The following OPHN1 variants were observed in gnomAD, a reference collection of about 807,000 sequenced individuals.
OPHN1 encodes oligophrenin 1.
A neutral mutation model predicts 60.7 loss-of-function variants in OPHN1; 11 were observed. The observed-to-expected ratio is 0.18, with a 90% confidence interval of 0.11 to 0.30. The LOEUF (loss-of-function observed/expected upper bound fraction) is 0.30. OPHN1 is among the 10% of genes least tolerant of loss of function. OPHN1 has a pLI of 1.00. For missense variants in OPHN1, 449 were observed against 611.0 expected (o/e 0.73, Z 2.80); for synonymous variants, 226 against 222.6 (o/e 1.02, Z -0.14).
intron 19 of OPHN1, among the ~76,000 whole-genome samples, chrX:68,075,216 C>G (rs754009754): frequency 8.9e-6 from 1 of 112,102 alleles, no homozygotes; most frequent in East Asian, 2.8e-4. Context: ...AAGTGGAACC[C>G]AGTAGTATCC....
intron 15 of OPHN1, among the ~76,000 whole-genome samples, chrX:68,189,661 C>T (rs930665379): frequency 4.5e-5 from 5 of 111,343 alleles, no homozygotes; most frequent in Non-Finnish European, 7.5e-5. Context: ...TTCTAATCCT[C>T]ACATAAAACC....
At chrX:68,138,996 A>C (rs2147473095) in intron 15 of OPHN1, among the ~76,000 whole-genome samples, 1 of 112,640 alleles carries the variant, frequency 8.9e-6, no homozygotes, top group South Asian at 3.7e-4. Flanking sequence ...CCAAAAAATT[A>C]AACCTACAAC....
chrX:68,096,951 A>G lies in OPHN1; in HGVS notation c.1605T>C (p.Ala535=), dbSNP rs202060504. ...GVIFGPTLMR[A]QEDTVAAMMN... ...TCATGGCGGCCACAGTGTCCTCCTGAGCTCTCATCAGGGTGGGCCCAAAGA... is the reference window on the plus strand; with the variant it reads ...TCATGGCGGCCACAGTGTCCTCCTGGGCTCTCATCAGGGTGGGCCCAAAGA... The change falls in exon 19 of 25, where the codon GCT becomes GCC. Residue 535 remains alanine, a synonymous_variant. Coordinates refer to ENST00000355520, the MANE Select transcript of OPHN1 (RefSeq NM_002547.3). 1 of 1,210,138 alleles carries G rather than the reference A, an allele frequency of 8.3e-7. No homozygotes were observed. Among genetic ancestry groups the G allele is most frequent in the African/African-American group, 1.7e-5 (1 of 57,666 alleles).
chrX:68,240,959 T>A (rs1188038827), intron 5 of OPHN1, among the ~76,000 whole-genome samples: 2 of 112,400 alleles, frequency 1.8e-5, no homozygotes, highest in Admixed American at 1.9e-4. Context: ...AAAATATATT[T>A]ATTTTTTTAA....
At chrX:68,052,431 G>A (rs2076856004) in intron 23 of OPHN1, 109 bp downstream of exon 23, 3 of 712,112 alleles carry the variant, frequency 4.2e-6, no homozygotes, top group Admixed American at 5.3e-5. Flanking sequence ...CAGAGACAGA[G>A]CTGTAGAGAA....
At chrX:68,087,434 A>G (rs187794153) in intron 19 of OPHN1, among the ~76,000 whole-genome samples, 2 of 111,820 alleles carry the variant, frequency 1.8e-5, no homozygotes, top group Admixed American at 9.5e-5. Flanking sequence ...GATCACCTCC[A>G]TTGGGAAGAG....
At chrX:68,240,880 T>C (rs1414615632) in intron 5 of OPHN1, among the ~76,000 whole-genome samples, 1 of 112,167 alleles carries the variant, frequency 8.9e-6, no homozygotes, top group Non-Finnish European at 1.9e-5. Context: ...AGCAATGAAC[T>C]TCCTTTCTAC....
intron 19 of OPHN1, among the ~76,000 whole-genome samples, chrX:68,078,342 G>A: frequency 9.0e-6 from 1 of 111,570 alleles, no homozygotes; most frequent in East Asian, 2.8e-4. Context: ...CTAGAATAAT[G>A]AAGAGGAATA....
intron 5 of OPHN1, among the ~76,000 whole-genome samples, chrX:68,265,312 G>T (rs965114792): frequency 1.8e-5 from 2 of 111,505 alleles, no homozygotes; most frequent in Admixed American, 1.9e-4. Context: ...ACACAGCCAG[G>T]TACTCCTCTG....
At chrX:68,364,638 T>C (rs978538442) in intron 2 of OPHN1, among the ~76,000 whole-genome samples, 1 of 112,346 alleles carries the variant, frequency 8.9e-6, no homozygotes, top group Non-Finnish European at 1.9e-5. Flanking sequence ...TAAAAGAAAA[T>C]GCTAGACAGC....
At chrX:68,341,419 A>T (rs1358500158) in intron 2 of OPHN1, among the ~76,000 whole-genome samples, 1 of 111,790 alleles carries the variant, frequency 8.9e-6, no homozygotes, top group Non-Finnish European at 1.9e-5. Context: ...ATGTAAAATG[A>T]CAACATGATT....
chrX:68,389,154 G>A (rs934083168), intron 2 of OPHN1, among the ~76,000 whole-genome samples: 2 of 103,732 alleles, frequency 1.9e-5, no homozygotes, highest in Non-Finnish European at 3.9e-5. Flanking sequence ...ACAGGGTCTC[G>A]CTTCATTGAC....
intron 2 of OPHN1, among the ~76,000 whole-genome samples, chrX:68,356,061 A>T (rs1342068153): frequency 9.0e-6 from 1 of 110,655 alleles, no homozygotes; most frequent in Non-Finnish European, 1.9e-5. Flanking sequence ...AAAAAAAAAA[A>T]ATCGCCAAAT....
intron 2 of OPHN1, among the ~76,000 whole-genome samples, chrX:68,347,997 C>T (rs186417952): frequency 8.9e-6 from 1 of 111,839 alleles, no homozygotes; most frequent in East Asian, 2.8e-4. Context: ...GACTCTAGTC[C>T]TGATGCTGCC....
At chrX:68,418,757 G>A (rs2078811353) in intron 2 of OPHN1, among the ~76,000 whole-genome samples, 1 of 111,826 alleles carries the variant, frequency 8.9e-6, no homozygotes, top group Non-Finnish European at 1.9e-5. Flanking sequence ...GACTTCACCT[G>A]TCTGAGAGCA....
intron 15 of OPHN1, among the ~76,000 whole-genome samples, chrX:68,186,416 A>G (rs940912771): frequency 5.5e-5 from 6 of 108,891 alleles, no homozygotes; most frequent in African/African-American, 1.7e-4. Flanking sequence ...TCCACAATCC[A>G]TTTCAGGCAG....
intron 2 of OPHN1, among the ~76,000 whole-genome samples, chrX:68,391,726 A>T (rs1460842869): frequency 1.8e-5 from 2 of 111,580 alleles, no homozygotes; most frequent in East Asian, 5.6e-4. Flanking sequence ...AAAGATACTT[A>T]AGAGGGACGT....
intron 2 of OPHN1, among the ~76,000 whole-genome samples, chrX:68,311,148 C>T (rs944554628): frequency 3.6e-5 from 4 of 110,896 alleles, no homozygotes; most frequent in Admixed American, 1.9e-4. Flanking sequence ...TGCCTGTAGT[C>T]CCCAGCTAAG....
intron 2 of OPHN1, among the ~76,000 whole-genome samples, chrX:68,312,977 G>A (rs1373340682): frequency 9.0e-6 from 1 of 111,038 alleles, no homozygotes; most frequent in Admixed American, 9.7e-5. Context: ...GGTGGTACAT[G>A]CCTGTAGTCC....
Sources: allele counts gnomAD v4.1 joint callset (sites outside exome capture counted in the v4.1 genomes callset), GRCh38; gene constraint gnomAD v4.1.1; transcripts MANE v1.5; gene names NCBI Gene and HGNC (gene_info 2026-07-23, HGNC 2026-07-21).